The following THADA variants were observed in gnomAD, a reference collection of about 807,000 sequenced individuals.
THADA encodes tRNA (32-2'-O)-methyltransferase regulator THADA.
Under a neutral mutation model 219.8 loss-of-function variants are expected in THADA, and 213 were observed. The ratio of observed to expected loss-of-function variants is 0.97; its 90% CI spans 0.87 to 1.09. The LOEUF is 1.09. THADA is among the 50% of genes least tolerant of loss of function. THADA has a pLI of 0.00. For synonymous variants in THADA, 1,018 were observed against 828.9 expected (o/e 1.23, Z -3.92); for missense variants, 2,956 against 2,311.3 (o/e 1.28, Z -5.72).
chr2:43,473,377 A>G (rs920735121), intron 26 of THADA, among the ~76,000 whole-genome samples: 1 of 152,158 alleles, frequency 6.6e-6, no homozygotes, highest in Admixed American at 6.5e-5. Flanking sequence ...ATTCTGTCGC[A>G]CTGAAAGGTC....
In THADA at chr2:43,419,101, G is replaced by A. The variant is rs570773689; in HGVS notation, c.4058+8999C>T. ...TTCTCCATGGACAGAACCCACACCT[G>A]ATGGCCTCCACATCTTCTCTTGCAA... is the stretch of plus-strand genomic sequence containing the variant. On this transcript the variant is annotated intron_variant, in intron 28 of 37. Coordinates refer to ENST00000405975, the MANE Select transcript of THADA (RefSeq NM_022065.5). Among the ~76,000 whole-genome samples the A allele has an allele frequency of 2.6e-5, 4 of 152,284 alleles. No homozygotes were observed. The South Asian group carries it at 8.3e-4, about 32-fold the overall frequency.
At chr2:43,517,360 A>C (rs1004493560) in intron 22 of THADA, among the ~76,000 whole-genome samples, 5 of 152,210 alleles carry the variant, frequency 3.3e-5, no homozygotes, top group African/African-American at 1.2e-4. Context: ...AAGCCAACGT[A>C]TTGAAGCAAA....
chr2:43,543,323 C>T (rs569967571), intron 20 of THADA, among the ~76,000 whole-genome samples: 4 of 145,400 alleles, frequency 2.8e-5, no homozygotes, highest in East Asian at 3.9e-4. Context: ...TGAATAGTGC[C>T]GCAATAAACA....
At chr2:43,402,704 C>T (rs1200225886) in intron 28 of THADA, among the ~76,000 whole-genome samples, 2 of 152,192 alleles carry the variant, frequency 1.3e-5, no homozygotes, top group Non-Finnish European at 2.9e-5. Flanking sequence ...GCCTAGGCCA[C>T]AAGCAACCTA....
chr2:43,446,699 A>T (rs1681607463), intron 26 of THADA, among the ~76,000 whole-genome samples: 1 of 152,254 alleles, frequency 6.6e-6, no homozygotes, highest in Admixed American at 6.5e-5. Flanking sequence ...GTCATGCAGC[A>T]ATACGTAATT....
chr2:43,254,459 T>A (rs1404918117), intron 36 of THADA, among the ~76,000 whole-genome samples: 1 of 152,004 alleles, frequency 6.6e-6, no homozygotes, highest in Admixed American at 6.6e-5. Flanking sequence ...CATTGGACAT[T>A]CTGTCACTTG....
chr2:43,475,718 T>G (rs998334799), intron 26 of THADA, among the ~76,000 whole-genome samples: 46 of 152,296 alleles, frequency 3.0e-4, no homozygotes, highest in African/African-American at 1.1e-3. Flanking sequence ...GACACACACT[T>G]TGTTCCTGGG....
At position 43,578,616 on chromosome 2, in the gene THADA, C is replaced by CA; in HGVS notation, c.722-10dup. ...AGTCTGTAACAGATCATCTATTTGG[C>CA]AAAAAAGGAGAGAAGCTTGTGTTAA... On this transcript the variant is annotated splice_polypyrimidine_tract_variant and intron_variant, in intron 8 of 37. Transcript: ENST00000405975. 3 of 1,562,016 alleles carry CA rather than the reference C, an allele frequency of 1.9e-6. No homozygotes were observed. Among genetic ancestry groups the CA allele is most frequent in the South Asian group, 1.2e-5 (1 of 84,606 alleles).
At chr2:43,237,425 AGTCT>A (rs913365562) in intron 36 of THADA, among the ~76,000 whole-genome samples, 24 of 120,666 alleles carry the variant, frequency 2.0e-4, no homozygotes, top group Non-Finnish European at 3.5e-4. Flanking sequence ...TCTGAGATGG[AGTCT>A]GTCTGTCACC....
chr2:43,367,256 C>T (rs147968069), intron 29 of THADA, among the ~76,000 whole-genome samples: 87 of 152,260 alleles, frequency 5.7e-4, no homozygotes, highest in Non-Finnish European at 1.1e-3. Flanking sequence ...TGGAGACTGG[C>T]TGCACAACAA....
At chr2:43,419,294 G>T (rs147859706) in intron 28 of THADA, among the ~76,000 whole-genome samples, 2 of 152,246 alleles carry the variant, frequency 1.3e-5, no homozygotes, top group African/African-American at 4.8e-5. Flanking sequence ...GGTTGGAAGG[G>T]AGGCAAGATG....
intron 31 of THADA, among the ~76,000 whole-genome samples, chr2:43,319,013 G>C (rs1202844839): frequency 1.3e-5 from 2 of 152,166 alleles, no homozygotes; most frequent in Non-Finnish European, 2.9e-5. Flanking sequence ...CCAGTGAGTA[G>C]ATTTGTAAGC....
Position 43,592,353 on chromosome 2 carries a change from G to C in THADA, c.40C>G (p.Leu14Val). 3 of 1,608,938 alleles carry C rather than the reference G, an allele frequency of 1.9e-6. No homozygotes were observed. The highest frequency in any genetic ancestry group is 2.5e-6 in the Non-Finnish European group (3 of 1,177,652). Residue 14 changes from leucine (L) to valine (V), a missense_variant, in exon 2 of 38, where the codon CTG becomes GTG. Physicochemically the swap from Leu to Val is conservative, Grantham distance 32. Transcript: ENST00000405975. ...KKKKEMQVAA[L>V]TICHQDLETL... ...TCAAGGTCCTGATGGCAAATGGTCA[G>C]CGCAGCAACTTGCATTTCTTTCTTC...
intron 36 of THADA, among the ~76,000 whole-genome samples, chr2:43,237,461 A>T (rs77008339): frequency 6.9e-6 from 1 of 145,980 alleles, no homozygotes; most frequent in Non-Finnish European, 1.5e-5. Flanking sequence ...GCAGTGGCGC[A>T]ATCTCAGCTC....
At chr2:43,552,145 G>C (rs963823883) in intron 18 of THADA, 59 bp downstream of exon 18, 9 of 1,564,166 alleles carry the variant, frequency 5.8e-6, no homozygotes, top group Middle Eastern at 1.7e-4. Flanking sequence ...TCCAACCAGA[G>C]GTTAAAGCTC....
intron 34 of THADA, among the ~76,000 whole-genome samples, chr2:43,291,454 C>CAAAAAAAAA (rs765352765): frequency 0.028 from 223 of 8,074 alleles, 31 homozygotes; most frequent in Non-Finnish European, 0.036. Context: ...AACTCCATCT[C>CAAAAAAAAA]AAAAAAAAAA....
intron 26 of THADA, among the ~76,000 whole-genome samples, chr2:43,449,279 G>A (rs1461048198): frequency 6.6e-6 from 1 of 151,738 alleles, no homozygotes; most frequent in Non-Finnish European, 1.5e-5. Flanking sequence ...TTGAGTCTGA[G>A]GAACAAAAAA....
chr2:43,386,945 A>G (rs1381848364), intron 29 of THADA, among the ~76,000 whole-genome samples: 1 of 151,620 alleles, frequency 6.6e-6, no homozygotes, highest in East Asian at 1.9e-4. Flanking sequence ...ATGTATGTTC[A>G]GTACCCGTTA....
chr2:43,382,248 T>C (rs1278405797), intron 29 of THADA, among the ~76,000 whole-genome samples: 2 of 152,206 alleles, frequency 1.3e-5, no homozygotes, highest in Admixed American at 6.5e-5. Context: ...TTAACAGTAA[T>C]GTACCAATTT....
Sources: gnomAD v4.1 joint callset for allele counts (sites outside exome capture counted in the v4.1 genomes callset) on GRCh38, gnomAD v4.1.1 for gene constraint, MANE v1.5 for transcripts, NCBI Gene and HGNC (gene_info 2026-07-23, HGNC 2026-07-21) for gene names.